XKR9: variants seen among roughly 807,000 people sequenced by gnomAD.
The protein encoded by XKR9 is XK-related protein 9.
Under a neutral mutation model 32.0 loss-of-function variants are expected in XKR9, and 32 were observed. That is an observed-to-expected ratio of 1.00 (90% confidence interval 0.76 to 1.34). The LOEUF is 1.34. Among genes scored for constraint, XKR9 ranks in the 40% most tolerant of loss-of-function variants. The pLI, the probability that XKR9 is intolerant of heterozygous loss-of-function variation, is 0.00. For missense variants in XKR9, 546 were observed against 429.7 expected (o/e 1.27, Z -2.39); for synonymous variants, 168 against 143.4 (o/e 1.17, Z -1.22).
intron 2 of XKR9, among the ~76,000 whole-genome samples, chr8:70,754,563 A>G (rs1807189885): frequency 2.8e-5 from 1 of 35,090 alleles, no homozygotes; most frequent in Non-Finnish European, 9.7e-5. Flanking sequence ...GTACCAAAAC[A>G]GATATAGATC....
chr8:70,940,605 C>T, the XKR9 span, among the ~76,000 whole-genome samples: 3 of 152,024 alleles, frequency 2.0e-5, no homozygotes, highest in Non-Finnish European at 4.4e-5. Flanking sequence ...TTCTTTATAA[C>T]ACTGTGCCTC....
chr8:70,806,725 T>G, the XKR9 span, among the ~76,000 whole-genome samples: 5 of 150,110 alleles, frequency 3.3e-5, no homozygotes, highest in Non-Finnish European at 7.4e-5. Context: ...AGAAAAAAAA[T>G]GAAGAGGAAT....
At chr8:70,712,178 G>A (rs1447000630) in intron 4 of XKR9, among the ~76,000 whole-genome samples, 1 of 152,082 alleles carries the variant, frequency 6.6e-6, no homozygotes, top group African/African-American at 2.4e-5. Context: ...ATCAATAAAT[G>A]TTTAGAAGAT....
At chr8:70,980,369 A>C in the XKR9 span, among the ~76,000 whole-genome samples, 6 of 152,276 alleles carry the variant, frequency 3.9e-5, no homozygotes, top group Middle Eastern at 3.4e-3. Context: ...TCCAGACTGG[A>C]GCTGTTCCTA....
the XKR9 span, among the ~76,000 whole-genome samples, chr8:70,815,893 T>C: frequency 3.9e-5 from 6 of 152,140 alleles, no homozygotes; most frequent in Non-Finnish European, 5.9e-5. Flanking sequence ...CAGTCTATCA[T>C]TGATGGGCAT....
chr8:70,898,699 C>G, the XKR9 span, among the ~76,000 whole-genome samples: 1 of 151,992 alleles, frequency 6.6e-6, no homozygotes, highest in Admixed American at 6.6e-5. Context: ...TTTAACATTT[C>G]TCTTTTTTAA....
the XKR9 span, among the ~76,000 whole-genome samples, chr8:70,941,725 A>G: frequency 1.3e-5 from 2 of 152,126 alleles, no homozygotes; most frequent in African/African-American, 4.8e-5. Flanking sequence ...TATGGGAGTA[A>G]TTATAAAGGC....
chr8:70,717,601 G>T (rs1218672934), intron 4 of XKR9, among the ~76,000 whole-genome samples: 2 of 152,158 alleles, frequency 1.3e-5, no homozygotes, highest in African/African-American at 4.8e-5. Context: ...GCTGCATAGA[G>T]CAGGGGGCTC....
At chr8:70,977,024 C>A in the XKR9 span, among the ~76,000 whole-genome samples, 2 of 152,130 alleles carry the variant, frequency 1.3e-5, no homozygotes, top group South Asian at 4.1e-4. Flanking sequence ...TTATAGTATT[C>A]TCTGATGGTA....
the XKR9 span, among the ~76,000 whole-genome samples, chr8:70,946,061 G>A: frequency 6.6e-6 from 1 of 152,116 alleles, no homozygotes; most frequent in African/African-American, 2.4e-5. Flanking sequence ...CTTGAACCTG[G>A]GAGGCGGAGG....
chr8:70,799,537 G>T, the XKR9 span, among the ~76,000 whole-genome samples: 3 of 152,004 alleles, frequency 2.0e-5, no homozygotes, highest in African/African-American at 7.2e-5. Context: ...TCACCATGTT[G>T]CCCAGGGTGG....
At chr8:70,877,751 C>T in the XKR9 span, among the ~76,000 whole-genome samples, 1 of 152,096 alleles carries the variant, frequency 6.6e-6, no homozygotes, top group Admixed American at 6.6e-5. Context: ...GGATATTATC[C>T]AGGAGAACTT....
chr8:70,843,609 A>G, the XKR9 span, among the ~76,000 whole-genome samples: 4 of 152,316 alleles, frequency 2.6e-5, no homozygotes, highest in East Asian at 1.9e-4. Context: ...AGAGGAGGAA[A>G]GCAAAGCAAA....
At chr8:70,745,630 C>A (rs1045978378) in intron 2 of XKR9, among the ~76,000 whole-genome samples, 29 of 152,166 alleles carry the variant, frequency 1.9e-4, no homozygotes, top group African/African-American at 6.0e-4. Context: ...GTTCTCCCCT[C>A]CCTTCTTTGA....
chr8:70,976,079 T>A, the XKR9 span, among the ~76,000 whole-genome samples: 1 of 152,242 alleles, frequency 6.6e-6, no homozygotes, highest in Non-Finnish European at 1.5e-5. Flanking sequence ...TTGTGATTTT[T>A]GCACATTGAT....
At chr8:70,946,660 G>A in the XKR9 span, among the ~76,000 whole-genome samples, 1 of 152,194 alleles carries the variant, frequency 6.6e-6, no homozygotes, top group Non-Finnish European at 1.5e-5. Context: ...TCTAGGAGGT[G>A]TCACTTGTTC....
chr8:71,007,313 A>G, the XKR9 span, among the ~76,000 whole-genome samples: 1 of 152,162 alleles, frequency 6.6e-6, no homozygotes, highest in Non-Finnish European at 1.5e-5. Flanking sequence ...GAGGGGAGAT[A>G]TGATCCCTGC....
chr8:70,907,977 T>C, the XKR9 span, among the ~76,000 whole-genome samples: 1 of 152,226 alleles, frequency 6.6e-6, no homozygotes, highest in South Asian at 2.1e-4. Context: ...TTCATGACAA[T>C]TGTCTTGTAA....
intron 4 of XKR9, among the ~76,000 whole-genome samples, chr8:70,721,833 C>G (rs764712242): frequency 2.6e-5 from 4 of 151,564 alleles, no homozygotes; most frequent in African/African-American, 7.3e-5. Flanking sequence ...TGGTCCAGAG[C>G]TGAGTTCAAG....
Sources: gnomAD v4.1 joint callset for allele counts (sites outside exome capture counted in the v4.1 genomes callset) on GRCh38, gnomAD v4.1.1 for gene constraint, MANE v1.5 for transcripts, NCBI Gene and HGNC (gene_info 2026-07-23, HGNC 2026-07-21) for gene names.